The following GNG2 variants were observed in gnomAD, a reference collection of about 807,000 sequenced individuals.
GNG2 encodes G protein subunit gamma 2, also known as guanine nucleotide-binding protein G(I)/G(S)/G(O) subunit gamma-2.
GNG2 carries 5 observed loss-of-function variants against 5.5 expected under a neutral mutation model. The ratio of observed to expected loss-of-function variants is 0.91; its 90% CI spans 0.48 to 1.92. The LOEUF (loss-of-function observed/expected upper bound fraction) is 1.92. GNG2 is among the 30% of genes most tolerant of loss of function. The probability of loss-of-function intolerance (pLI) is 0.01; values close to 1 mark genes in which losing one functional copy is unlikely to be tolerated. For synonymous variants in GNG2, 28 were observed against 32.0 expected (o/e 0.88, Z 0.42); for missense variants, 55 against 88.4 (o/e 0.62, Z 1.52).
intron 3 of GNG2, among the ~76,000 whole-genome samples, chr14:51,963,374 G>A (rs760405153): frequency 4.6e-5 from 7 of 152,146 alleles, no homozygotes; most frequent in Non-Finnish European, 7.3e-5. Context: ...AGGGATGAAC[G>A]GTGCTGCTTC....
intron 2 of GNG2, among the ~76,000 whole-genome samples, chr14:51,893,797 C>T (rs1885011349): frequency 6.6e-6 from 1 of 151,964 alleles, no homozygotes; most frequent in African/African-American, 2.4e-5. Context: ...AAATATGTTC[C>T]TCCAAACAGC....
Position 51,837,149 on chromosome 14 carries a change from G to A in GNG2, c.64+9342G>A, listed in dbSNP as rs570471759. The stretch of plus-strand genomic sequence containing the variant: ...GCTGGGATTATAGGCATAAGCCACC[G>A]CACCCGGCCTGATCTCAACTTAACG... On this transcript the variant is annotated intron_variant, in intron 2 of 3. Transcript: ENST00000553432. Among the ~76,000 whole-genome samples the A allele has an allele frequency of 7.4e-4, 112 of 151,820 alleles. 1 individual carries two copies. The South Asian group carries it at 0.022, about 30-fold the overall frequency.
chr14:51,933,968 A>G (rs979519827), intron 2 of GNG2, among the ~76,000 whole-genome samples: 2 of 152,306 alleles, frequency 1.3e-5, no homozygotes, highest in Admixed American at 6.5e-5. Flanking sequence ...CTTGAAGTTA[A>G]TATCTGTGAA....
chr14:51,943,518 C>T (rs542265196), intron 2 of GNG2, among the ~76,000 whole-genome samples: 19 of 152,276 alleles, frequency 1.2e-4, no homozygotes, highest in African/African-American at 4.6e-4. Flanking sequence ...TTATTGACCC[C>T]ATTATGTTCA....
At chr14:51,827,768 A>G (rs1179695512) in exon 2 of GNG2, 7 of 700,100 alleles carry the variant, frequency 1.0e-5, no homozygotes, top group East Asian at 5.4e-5. Context: ...GCAACCTCCA[A>G]TGGAAAGAGA....
intron 2 of GNG2, among the ~76,000 whole-genome samples, chr14:51,843,138 T>TTAA (rs2140078674): frequency 6.6e-6 from 1 of 152,296 alleles, no homozygotes; most frequent in African/African-American, 2.4e-5. Context: ...ATCAATGCTC[T>TTAA]CCTTTCCGTA....
intron 1 of GNG2, among the ~76,000 whole-genome samples, chr14:51,875,955 C>T (rs971634013): frequency 2.5e-4 from 10 of 39,690 alleles, no homozygotes; most frequent in Non-Finnish European, 3.4e-4. Context: ...TTCTTTTTTC[C>T]GAGACAGACT....
At chr14:51,829,497 C>G (rs764942360) in intron 2 of GNG2, among the ~76,000 whole-genome samples, 5 of 152,284 alleles carry the variant, frequency 3.3e-5, no homozygotes, top group Non-Finnish European at 7.4e-5. Flanking sequence ...AACCCCCATC[C>G]TGGCTAAACC....
intron 3 of GNG2, among the ~76,000 whole-genome samples, chr14:51,962,411 C>T (rs1889668541): frequency 6.6e-6 from 1 of 152,040 alleles, no homozygotes; most frequent in Admixed American, 6.6e-5. Context: ...ACTGCTAGGG[C>T]TACTGCAGTG....
At chr14:51,922,773 A>G (rs1286961771) in intron 2 of GNG2, among the ~76,000 whole-genome samples, 1 of 152,200 alleles carries the variant, frequency 6.6e-6, no homozygotes, top group African/African-American at 2.4e-5. Flanking sequence ...ACTCGTGCTT[A>G]TAAAAGGCCC....
intron 2 of GNG2, among the ~76,000 whole-genome samples, chr14:51,832,562 A>G (rs1436693003): frequency 6.6e-6 from 1 of 152,230 alleles, no homozygotes; most frequent in Non-Finnish European, 1.5e-5. Flanking sequence ...TGTTTAAACA[A>G]CAGAAATTTA....
At chr14:51,868,077 A>C (rs1332368514) in intron 1 of GNG2, among the ~76,000 whole-genome samples, 3 of 152,164 alleles carry the variant, frequency 2.0e-5, no homozygotes, top group African/African-American at 7.2e-5. Context: ...GTCCTCTAAG[A>C]GCTCACAAAC....
intron 2 of GNG2, among the ~76,000 whole-genome samples, chr14:51,939,287 ATTCGT>A (rs1888183585): frequency 6.6e-6 from 1 of 152,210 alleles, no homozygotes; most frequent in Non-Finnish European, 1.5e-5. Flanking sequence ...AACATGGCCT[ATTCGT>A]TTCATTTTAC....
chr14:51,966,500 T>C (rs1247256386), intron 3 of GNG2, 59 bp from the exon 4 acceptor site: 2 of 1,517,144 alleles, frequency 1.3e-6, no homozygotes, highest in Admixed American at 1.7e-5. Flanking sequence ...CTCTAAAGCC[T>C]TGGGCCTTGA....
rs74807018 is a variant in GNG2 at position 51,939,291 on chromosome 14, G to A, written c.-29-11359G>A. On this transcript the variant is annotated intron_variant, in intron 2 of 3. Coordinates refer to ENST00000556766, the MANE Select transcript of GNG2 (RefSeq NM_053064.5). ...TTTAAAGTTGCAACATGGCCTATTCGTTTCATTTTACAAAATTTGTGAAAT... is the reference window on the plus strand; with the variant it reads ...TTTAAAGTTGCAACATGGCCTATTCATTTCATTTTACAAAATTTGTGAAAT... Among the ~76,000 whole-genome samples the A allele has an allele frequency of 3.2e-3, 480 of 152,180 alleles. 3 individuals are homozygous for A. Among genetic ancestry groups the A allele is most frequent in the African/African-American group, 0.011 (461 of 41,516 alleles).
At chr14:51,924,934 A>AT (rs1294890987) in intron 2 of GNG2, among the ~76,000 whole-genome samples, 1 of 152,232 alleles carries the variant, frequency 6.6e-6, no homozygotes, top group Non-Finnish European at 1.5e-5. Flanking sequence ...AGCACTGGAC[A>AT]TGAACCATCT....
chr14:51,884,682 G>A (rs1477244025), intron 2 of GNG2, among the ~76,000 whole-genome samples: 1 of 152,204 alleles, frequency 6.6e-6, no homozygotes, highest in Non-Finnish European at 1.5e-5. Context: ...CTGCCCCTTG[G>A]ACAAGTTATT....
chr14:51,897,166 T>A (rs780642510), intron 2 of GNG2, among the ~76,000 whole-genome samples: 3 of 152,204 alleles, frequency 2.0e-5, no homozygotes, highest in Non-Finnish European at 4.4e-5. Context: ...GAAGAAGAAC[T>A]TTGGCCTTTG....
chr14:51,907,363 T>C (rs1231048399), intron 2 of GNG2, among the ~76,000 whole-genome samples: 2 of 152,230 alleles, frequency 1.3e-5, no homozygotes, highest in African/African-American at 4.8e-5. Flanking sequence ...AACAGATATT[T>C]ATGGCTGGAT....
Sources: gnomAD v4.1 joint callset for allele counts (sites outside exome capture counted in the v4.1 genomes callset) on GRCh38, gnomAD v4.1.1 for gene constraint, MANE v1.5 for transcripts, NCBI Gene and HGNC (gene_info 2026-07-23, HGNC 2026-07-21) for gene names.